STOML1: variants seen among roughly 807,000 people sequenced by gnomAD.
STOML1 encodes the protein stomatin-like protein 1.
A neutral mutation model predicts 35.7 loss-of-function variants in STOML1; 27 were observed. The observed-to-expected ratio is 0.76, with a 90% confidence interval of 0.56 to 1.04. STOML1 has a LOEUF of 1.04. STOML1 is among the 50% of genes least tolerant of loss of function. STOML1 has a pLI of 0.00. For synonymous variants in STOML1, 219 were observed against 227.9 expected (o/e 0.96, Z 0.35); for missense variants, 451 against 527.1 (o/e 0.86, Z 1.41).
chr15:73,989,636 C>G (rs1317484129), intron 2 of STOML1, among the ~76,000 whole-genome samples: 1 of 152,186 alleles, frequency 6.6e-6, no homozygotes, highest in Non-Finnish European at 1.5e-5. Flanking sequence ...GCCCTAACAG[C>G]ACCCCCGGGG....
Position 73,988,408 on chromosome 15 carries a change from TG to T in STOML1, c.594+190del. ...GGGACAAGTTTGCCCAGGATCGTTA[TG>T]GTCTACGCCCACCTGCCATTCCTCA... On this transcript the variant is annotated intron_variant, in intron 4 of 6. Coordinates refer to ENST00000541638, the MANE Select transcript of STOML1 (RefSeq NM_004809.5). The surrounding 1 kb of genome is among the most constrained non-coding windows in gnomAD (Gnocchi z 4.8). 1.5e-6 allele frequency: 1 copy of T among 663,208 alleles called. No homozygotes were observed. Among genetic ancestry groups the T allele is most frequent in the Non-Finnish European group, 2.5e-6 (1 of 399,836 alleles). 41.1% of individuals were successfully genotyped at this position (663,208 alleles called of 1,614,324 possible). A position where few individuals can be genotyped will look rare whatever the true frequency, so the allele number is the denominator to read the frequency against.
chr15:73,983,926 A>G lies in STOML1; in HGVS notation c.*11T>C. The G allele has an allele frequency of 6.2e-7, 1 of 1,605,924 alleles. No individual in the cohort carries two copies. The highest frequency in any genetic ancestry group is 1.3e-5 in the African/African-American group (1 of 74,854). On this transcript the variant is annotated 3_prime_UTR_variant, in exon 7 of 7. Transcript: ENST00000541638. Reference sequence around the variant, plus strand: ...GCTTGGGACTGGGCTCTGGAAAGTCAGCCAAGGCTGCTACTTCAAGGCCCT... The same window carrying G: ...GCTTGGGACTGGGCTCTGGAAAGTCGGCCAAGGCTGCTACTTCAAGGCCCT...
rs939375741 is a variant in STOML1 at position 73,979,991 on chromosome 15, TCACTG to T, written c.*3941_*3945del. ...AGGTTGAGGCTGCAGTGAGCCACAA[TCACTG>T]CACTGCACTCCAGCCTGGGAGACAG... On this transcript the variant is annotated 3_prime_UTR_variant, in exon 7 of 7. Coordinates refer to ENST00000541638, the MANE Select transcript of STOML1 (RefSeq NM_004809.5). The T allele has an allele frequency of 6.9e-5, 10 of 144,602 alleles. No homozygotes were observed. Among genetic ancestry groups the T allele is most frequent in the African/African-American group, 2.5e-4 (10 of 39,494 alleles). The allele number at this position is 144,602 out of a possible 1,614,324, so 9.0% of individuals were successfully genotyped here.
Position 73,988,536 on chromosome 15 carries a change from ACCTGGCAGGTGG to A in STOML1, c.594+51_594+62del. The A allele has an allele frequency of 2.5e-6, 4 of 1,590,266 alleles. No individual in the cohort carries two copies. Among genetic ancestry groups the A allele is most frequent in the Non-Finnish European group, 3.4e-6 (4 of 1,164,952 alleles). ...GTGGTCTGACTCTTTTCTCAAAGTG[ACCTGGCAGGTGG>A]AGCCAGGCCGGTGCCACCCCTCAAG... On this transcript the variant is annotated intron_variant, in intron 4 of 6. Transcript: ENST00000541638. This position sits in a 1 kb window ranked among gnomAD's most constrained non-coding sequence, Gnocchi z 4.8.
intron 6 of STOML1, 60 bp from the exon 7 acceptor site, chr15:73,984,190 A>G: frequency 1.3e-6 from 2 of 1,531,412 alleles, no homozygotes; most frequent in Non-Finnish European, 1.8e-6. Flanking sequence ...AAGGAGATCT[A>G]TGGGGGTGGG....
chr15:73,986,489 C>G (rs1595861591), intron 4 of STOML1: 1 of 152,346 alleles, frequency 6.6e-6, no homozygotes, highest in African/African-American at 2.4e-5. Context: ...CCACAGGCAG[C>G]AGACAGCCCA....
intron 2 of STOML1, chr15:73,990,066 T>C (rs894554459): frequency 3.2e-6 from 1 of 311,998 alleles, no homozygotes; most frequent in African/African-American, 2.2e-5. Flanking sequence ...AGAAGATAAT[T>C]TGGCAAAGAC....
At chr15:73,986,696 G>A (rs2069111584) in intron 4 of STOML1, 1 of 153,110 alleles carries the variant, frequency 6.5e-6, no homozygotes, top group Non-Finnish European at 1.5e-5. Flanking sequence ...GGGCTGAGAG[G>A]TGCCCACTGG....
At chr15:73,985,791 G>A in intron 4 of STOML1, 2 of 413,504 alleles carry the variant, frequency 4.8e-6, no homozygotes, top group Non-Finnish European at 4.3e-6. Context: ...GGAACAGCAT[G>A]TGCAAAACCC....
chr15:73,990,552 C>T lies in STOML1; in HGVS notation c.134-95G>A, dbSNP rs373898687. The T allele has an allele frequency of 4.1e-5, 47 of 1,144,970 alleles. No individual in the cohort carries two copies. In the South Asian group the frequency reaches 5.9e-4, roughly 14 times the overall value. The allele number at this position is 1,144,970 out of a possible 1,614,324, so 70.9% of individuals were successfully genotyped here. On this transcript the variant is annotated intron_variant, in intron 1 of 6. Coordinates refer to ENST00000541638, the MANE Select transcript of STOML1 (RefSeq NM_004809.5). Reference sequence around the variant, plus strand: ...GTGTACCTTACGCCCACCTTCCCCTCGAGAGGCTCCTTCCTTCTCAGGGCT... The same window carrying T: ...GTGTACCTTACGCCCACCTTCCCCTTGAGAGGCTCCTTCCTTCTCAGGGCT...
At chr15:73,994,049 G>C (rs2069363276), upstream of STOML1, among the ~76,000 whole-genome samples, 1 of 152,122 alleles carries the variant, frequency 6.6e-6, no homozygotes, top group South Asian at 2.1e-4. Flanking sequence ...TTGTCAGAGT[G>C]ACTGTCCCAT....
chr15:73,981,129 G>C lies in STOML1; in HGVS notation c.*2808C>G, dbSNP rs2068955570. The C allele has an allele frequency of 6.6e-6, 1 of 152,238 alleles. No individual in the cohort carries two copies. Among genetic ancestry groups the C allele is most frequent in the Admixed American group, 6.5e-5 (1 of 15,286 alleles). 9.4% of individuals were successfully genotyped at this position (152,238 alleles called of 1,614,324 possible). A position where few individuals can be genotyped will look rare whatever the true frequency, so the allele number is the denominator to read the frequency against. On this transcript the variant is annotated 3_prime_UTR_variant, in exon 7 of 7. Transcript: ENST00000541638. ...CCAGCACTTTGGGAGGCCTAGGCAG[G>C]CAGATCACTTGAGGTCAGGAGTTCG...
At chr15:73,984,521 G>T in intron 6 of STOML1, 138 bp downstream of exon 6, 1 of 1,009,208 alleles carries the variant, frequency 9.9e-7, no homozygotes, top group Non-Finnish European at 1.4e-6. Flanking sequence ...TGGAAATGGT[G>T]TCTGAGCCCC....
In STOML1 at chr15:73,989,092, C is replaced by G. The variant is rs376520712; in HGVS notation, c.390+16G>C. The G allele has an allele frequency of 3.8e-6, 6 of 1,570,254 alleles. No individual in the cohort carries two copies. The highest frequency in any genetic ancestry group is 2.7e-5 in the African/African-American group (2 of 73,694). On this transcript the variant is annotated intron_variant, in intron 3 of 6. Transcript: ENST00000541638. ...GCCCCCAGTTCCTCTGTCAAGGCAG[C>G]TGAGAAGCCCCTCACCTTGCAGGGA...
chr15:73,985,835 C>A, intron 4 of STOML1: 1 of 300,482 alleles, frequency 3.3e-6, no homozygotes, highest in South Asian at 4.1e-5. Flanking sequence ...CGTGGAGCTG[C>A]GAGGAACCAG....
intron 6 of STOML1, 132 bp from the exon 7 acceptor site, chr15:73,984,262 G>A: frequency 1.1e-6 from 1 of 943,988 alleles, no homozygotes; most frequent in Non-Finnish European, 1.6e-6. Flanking sequence ...CTAATACCCT[G>A]GGTTTGAGTC....
At chr15:73,989,661 A>G (rs975285417) in intron 2 of STOML1, among the ~76,000 whole-genome samples, 1 of 152,200 alleles carries the variant, frequency 6.6e-6, no homozygotes, top group Non-Finnish European at 1.5e-5. Context: ...GGCTTTGTCA[A>G]CTTTAGGTCC....
chr15:73,981,362 AT>A lies in STOML1; in HGVS notation c.*2574del, dbSNP rs1179204519. On this transcript the variant is annotated 3_prime_UTR_variant, in exon 7 of 7. Transcript: ENST00000541638. Reference sequence around the variant, plus strand: ...AGTAAGACTCTTGTTTCAAAAAAAAATAAAATACTTTTCAATAACATCAAAA... The same window carrying A: ...AGTAAGACTCTTGTTTCAAAAAAAAAAAAATACTTTTCAATAACATCAAAA... 1.2e-4 allele frequency: 19 copies of A among 152,218 alleles called. No individual in the cohort carries two copies. The highest frequency in any genetic ancestry group is 3.9e-4 in the African/African-American group (16 of 41,446). The allele number at this position is 152,218 out of a possible 1,614,324, so 9.4% of individuals were successfully genotyped here.
In STOML1 at chr15:73,992,059, C is replaced by A; in HGVS notation, c.133+32G>T. 3 of 1,541,350 alleles carry A rather than the reference C, an allele frequency of 1.9e-6. No homozygotes were observed. The East Asian group carries it at 7.4e-5, about 38-fold the overall frequency. On this transcript the variant is annotated intron_variant, in intron 1 of 6. Transcript: ENST00000541638. ...GGCCTGGGGGTTGCCGGCCGGTCCC[C>A]CCCGGCTCCGCCGTGCCAGGCGGCC...
Sources: gnomAD v4.1 joint callset for allele counts (sites outside exome capture counted in the v4.1 genomes callset) on GRCh38, gnomAD v4.1.1 for gene constraint, Gnocchi (gnomAD v3.1) non-coding constraint, MANE v1.5 for transcripts, NCBI Gene and HGNC (gene_info 2026-07-23, HGNC 2026-07-21) for gene names.